Variants in THBS2 observed in about 807,000 individuals in gnomAD.
THBS2 encodes the protein thrombospondin-2.
Under a neutral mutation model 135.2 loss-of-function variants are expected in THBS2, and 47 were observed. That is an observed-to-expected ratio of 0.35 (90% CI 0.28 to 0.44). The LOEUF (loss-of-function observed/expected upper bound fraction) is 0.44, where lower values mean the gene tolerates loss of function less well. Ranked by LOEUF, THBS2 falls within the 20% of genes least tolerant of loss-of-function variation. The pLI, the probability that THBS2 is intolerant of heterozygous loss-of-function variation, is 1.00. For synonymous variants in THBS2, 639 were observed against 633.8 expected (o/e 1.01, Z -0.12); for missense variants, 1,288 against 1,603.1 (o/e 0.80, Z 3.36).
chr6:169,237,592 C>G (rs1048072206), intron 8 of THBS2, 33 bp downstream of exon 8: 1 of 1,609,684 alleles, frequency 6.2e-7, no homozygotes, highest in Admixed American at 1.7e-5. Context: ...CCCACCCCCA[C>G]AGGCACGCGG....
At chr6:169,242,956 CTTCCCACT>C (rs1400432592) in intron 4 of THBS2, among the ~76,000 whole-genome samples, 1 of 131,344 alleles carries the variant, frequency 7.6e-6, no homozygotes, top group Non-Finnish European at 1.6e-5. Flanking sequence ...ACCTTCCCAC[CTTCCCACT>C]GCTCCCACCT....
intron 19 of THBS2, 93 bp from the exon 20 acceptor site, chr6:169,221,620 T>G: frequency 9.7e-7 from 1 of 1,034,088 alleles, no homozygotes; most frequent in Non-Finnish European, 1.5e-6. Context: ...AACATGACTT[T>G]GCAAGTTCAT....
chr6:169,236,290 A>C (rs1780060077), intron 9 of THBS2, among the ~76,000 whole-genome samples: 1 of 93,318 alleles, frequency 1.1e-5, no homozygotes, highest in South Asian at 3.9e-4. Flanking sequence ...ATCCACACTC[A>C]TTCCCATCCA....
intron 21 of THBS2, among the ~76,000 whole-genome samples, chr6:169,218,377 A>C: frequency 8.0e-6 from 1 of 124,694 alleles, no homozygotes. Context: ...GGATGGATGA[A>C]TGAGATAGGT....
chr6:169,253,180 C>G (rs1244478589), intron 1 of THBS2, among the ~76,000 whole-genome samples: 2 of 152,038 alleles, frequency 1.3e-5, no homozygotes, highest in Non-Finnish European at 2.9e-5. Context: ...CAGAGTCTCT[C>G]TTTAATCTAC....
chr6:169,242,618 C>CCCACCT (rs1171315250), intron 4 of THBS2, among the ~76,000 whole-genome samples: 1 of 57,008 alleles, frequency 1.8e-5, no homozygotes, highest in African/African-American at 6.5e-5. Context: ...CTTCCCACCG[C>CCCACCT]TCCCACCTTC....
Position 169,232,206 on chromosome 6 carries a change from G to C in THBS2, c.1933-8C>G, listed in dbSNP as rs201366246. On this transcript the variant is annotated splice_polypyrimidine_tract_variant and splice_region_variant and intron_variant, in intron 12 of 21. Transcript: ENST00000617924. ...GTTTTCGGGCTCACACACCTACGGG[G>C]AGAAGGGCTGCGGGGTTAGCGACAG... is the stretch of plus-strand genomic sequence containing the variant. The C allele has an allele frequency of 2.9e-4, 474 of 1,610,564 alleles. 5 individuals carry two copies. In the African/African-American group the frequency reaches 5.5e-3, roughly 19 times the overall value.
chr6:169,242,914 C>T (rs1241926849), intron 4 of THBS2, among the ~76,000 whole-genome samples: 1 of 107,420 alleles, frequency 9.3e-6, no homozygotes, highest in Non-Finnish European at 1.9e-5. Context: ...CATCTTCCCA[C>T]CTTCCCACCA....
rs1256990591 is a variant in THBS2 at position 169,216,126 on chromosome 6, A to C, written c.*1696T>G. The C allele has an allele frequency of 6.6e-6, 1 of 152,116 alleles. No homozygotes were observed. Among genetic ancestry groups the C allele is most frequent in the Non-Finnish European group, 1.5e-5 (1 of 68,032 alleles). 9.4% of individuals were successfully genotyped at this position (152,116 alleles called of 1,614,324 possible). ...TCCCAACGCTTCGTTGGTCTCGGGA[A>C]TACAGCTCCACACGCAAAAAAGTAA... On this transcript the variant is annotated 3_prime_UTR_variant, in exon 22 of 22. Transcript: ENST00000617924.
chr6:169,221,535 A>G lies in THBS2; in HGVS notation c.3274-8T>C, dbSNP rs1779430224. On this transcript the variant is annotated splice_polypyrimidine_tract_variant and splice_region_variant and intron_variant, in intron 19 of 21. Transcript: ENST00000617924. ...GTGCCATAAGGTTCGCACCTGAGAG[A>G]GAACATAGCACTCTTGAGTGCCATG... is the stretch of plus-strand genomic sequence containing the variant. The G allele has an allele frequency of 1.2e-6, 2 of 1,613,622 alleles. No individual in the cohort carries two copies. The highest frequency in any genetic ancestry group is 4.5e-5 in the East Asian group (2 of 44,874).
chr6:169,233,002 T>C lies in THBS2; in HGVS notation c.1667A>G (p.Asn556Ser). 6.5e-7 allele frequency: 1 copy of C among 1,542,838 alleles called. No homozygotes were observed. The highest frequency in any genetic ancestry group is 8.7e-7 in the Non-Finnish European group (1 of 1,147,760). The change falls in exon 11 of 22, where the codon AAC becomes AGC. Residue 556 changes from asparagine (N) to serine (S), a missense_variant. Physicochemically the swap from Asn to Ser is conservative, Grantham distance 46 (BLOSUM62 1). Coordinates refer to ENST00000617924, the MANE Select transcript of THBS2 (RefSeq NM_003247.5). ...GCACTGGGCTCCCGGGAAGCAGGGG[T>C]TGGATAAACAGCCATCTGGGTGGGA... ...RSCPVDGCLS[N>S]PCFPGAQCSS...
chr6:169,235,078 C>T (rs758007039), intron 9 of THBS2, among the ~76,000 whole-genome samples, 171 bp from the exon 10 acceptor site: 1 of 152,206 alleles, frequency 6.6e-6, no homozygotes, highest in East Asian at 1.9e-4. Flanking sequence ...CGCACCACTA[C>T]GCCTGCTGCA....
Position 169,223,456 on chromosome 6 carries a change from A to G in THBS2, c.2793T>C (p.Ile931=), listed in dbSNP as rs1779505038. 1 of 1,614,102 alleles carries G rather than the reference A, an allele frequency of 6.2e-7. No homozygotes were observed. Among genetic ancestry groups the G allele is most frequent in the South Asian group, 1.1e-5 (1 of 91,082 alleles). ...TGTCATTGTCAAAATCATCTTTACA[A>G]ATATCACCCCGTCCATCACCTATGC... is the stretch of plus-strand genomic sequence containing the variant. ...EDLDGDGRGD[I]CKDDFDNDNI... Residue 931 remains isoleucine, a synonymous_variant, in exon 18 of 22, where the codon ATT becomes ATC. Transcript: ENST00000617924.
chr6:169,237,438 C>A lies in THBS2; in HGVS notation c.1301-92G>T, dbSNP rs1780138023. ...GCCTTATTAACCGAGGAGCATCTCA[C>A]AGCTGCTGAGGAGAGGGAAGGAGAA... On this transcript the variant is annotated intron_variant, in intron 8 of 21. Transcript: ENST00000617924. The A allele has an allele frequency of 5.2e-6, 8 of 1,524,340 alleles. No individual in the cohort carries two copies. In the Admixed American group the frequency reaches 1.2e-4, roughly 23 times the overall value. The allele number at this position is 1,524,340 out of a possible 1,614,324, so 94.4% of individuals were successfully genotyped here.
intron 4 of THBS2, among the ~76,000 whole-genome samples, chr6:169,243,162 ATTCCCACCTCTCCCACC>A (rs1185796207): frequency 1.7e-3 from 34 of 19,788 alleles, no homozygotes; most frequent in South Asian, 8.3e-3. Context: ...ACCTTCCCAC[ATTCCCACCTCTCCCACC>A]TTCCCACCTC....
chr6:169,241,759 C>T lies in THBS2; in HGVS notation c.891+3G>A, dbSNP rs886286886. On this transcript the variant is annotated splice_donor_region_variant and intron_variant, in intron 5 of 21. Coordinates refer to ENST00000617924, the MANE Select transcript of THBS2 (RefSeq NM_003247.5). This position sits in a 1 kb window ranked among gnomAD's most constrained non-coding sequence, Gnocchi z 5.5. ...CCCCCGCGGCCCCTGCGTGAGTACC[C>T]ACCACTCTCTTGAGGTTCTCGCTGA... 1 of 1,601,256 alleles carries T rather than the reference C, an allele frequency of 6.2e-7. No homozygotes were observed. Among genetic ancestry groups the T allele is most frequent in the Non-Finnish European group, 8.5e-7 (1 of 1,170,882 alleles).
In THBS2 at chr6:169,216,834, A is replaced by ATATT. The variant is rs1779188521; in HGVS notation, c.*984_*987dup. On this transcript the variant is annotated 3_prime_UTR_variant, in exon 22 of 22. Coordinates refer to ENST00000617924, the MANE Select transcript of THBS2 (RefSeq NM_003247.5). ...TAGTCACTTAATAAATATTAACAAA[A>ATATT]TATTTATAACTGGAACCTTAATGAA... 1.3e-5 allele frequency: 2 copies of ATATT among 152,362 alleles called. No homozygotes were observed. Among genetic ancestry groups the ATATT allele is most frequent in the South Asian group, 4.1e-4 (2 of 4,824 alleles). The allele number at this position is 152,362 out of a possible 1,614,324, so 9.4% of individuals were successfully genotyped here.
rs140733034 is a variant in THBS2 at position 169,224,007 on chromosome 6, A to G, written c.2774-532T>C. ...GGTTGTGGCATGGTGGGGAGTGGGGATGAGGTGGGCCTGGTGCAAACAGGG... is the reference window on the plus strand; with the variant it reads ...GGTTGTGGCATGGTGGGGAGTGGGGGTGAGGTGGGCCTGGTGCAAACAGGG... On this transcript the variant is annotated intron_variant, in intron 17 of 21. Transcript: ENST00000617924. Among the ~76,000 whole-genome samples the G allele has an allele frequency of 7.7e-3, 1,170 of 152,082 alleles. 9 individuals carry two copies. Among genetic ancestry groups the G allele is most frequent in the African/African-American group, 0.027 (1,101 of 41,452 alleles).
intron 17 of THBS2, 22 bp from the exon 18 acceptor site, chr6:169,223,497 A>G: frequency 1.3e-6 from 2 of 1,594,262 alleles, no homozygotes; most frequent in East Asian, 2.2e-5. Context: ...GAACAAGCAA[A>G]AACAAAAACA....
Sources: gnomAD v4.1 joint callset for allele counts (sites outside exome capture counted in the v4.1 genomes callset) on GRCh38, gnomAD v4.1.1 for gene constraint, Gnocchi (gnomAD v3.1) non-coding constraint, MANE v1.5 for transcripts, NCBI Gene and HGNC (gene_info 2026-07-23, HGNC 2026-07-21) for gene names.